Variants in KCND2 observed in about 807,000 individuals in gnomAD.
KCND2 encodes potassium voltage-gated channel subfamily D member 2, also known as A-type voltage-gated potassium channel KCND2.
A neutral mutation model predicts 54.4 loss-of-function variants in KCND2; 16 were observed. The observed-to-expected ratio is 0.29, with a 90% CI of 0.20 to 0.45. The LOEUF (loss-of-function observed/expected upper bound fraction) is 0.45, where lower values mean the gene tolerates loss of function less well. Among genes scored for constraint, KCND2 ranks in the 20% least tolerant of loss-of-function variants. The probability of loss-of-function intolerance (pLI) is 1.00; values close to 1 mark genes in which losing one functional copy is unlikely to be tolerated. For missense variants in KCND2, 486 were observed against 824.2 expected (o/e 0.59, Z 5.02); for synonymous variants, 317 against 310.7 (o/e 1.02, Z -0.21).
intron 1 of KCND2, among the ~76,000 whole-genome samples, chr7:120,319,948 AT>A (rs1383856558): frequency 2.0e-5 from 3 of 152,046 alleles, no homozygotes; most frequent in East Asian, 1.9e-4. Flanking sequence ...TTAGCATTGA[AT>A]GGTAGAGAAC....
intron 2 of KCND2, 27 bp from the exon 3 acceptor site, chr7:120,741,507 A>T: frequency 6.9e-7 from 1 of 1,456,866 alleles, no homozygotes; most frequent in South Asian, 1.1e-5. Context: ...ATAAATGTTA[A>T]TGGGATGTTT....
At chr7:120,698,030 T>TC in intron 1 of KCND2, among the ~76,000 whole-genome samples, 1 of 142,710 alleles carries the variant, frequency 7.0e-6, no homozygotes, top group East Asian at 2.0e-4. Context: ...CCCTTTTTTT[T>TC]TTTTTTTTTT....
chr7:120,619,593 T>C (rs1177028041), intron 1 of KCND2, among the ~76,000 whole-genome samples: 1 of 152,154 alleles, frequency 6.6e-6, no homozygotes, highest in Non-Finnish European at 1.5e-5. Context: ...CTTCAGTAGG[T>C]AAAAGGAAAC....
chr7:120,551,398 C>G (rs1280587820), intron 1 of KCND2, among the ~76,000 whole-genome samples: 2 of 152,092 alleles, frequency 1.3e-5, no homozygotes, highest in African/African-American at 4.8e-5. Flanking sequence ...GTTATTGTGA[C>G]CTTCCTTGTG....
At chr7:120,339,891 A>T (rs2116363722) in intron 1 of KCND2, among the ~76,000 whole-genome samples, 1 of 152,202 alleles carries the variant, frequency 6.6e-6, no homozygotes, top group Admixed American at 6.5e-5. Flanking sequence ...GGAGGACAAC[A>T]CTCTTAAGGA....
intron 1 of KCND2, among the ~76,000 whole-genome samples, chr7:120,700,215 A>G (rs563611430): frequency 6.6e-6 from 1 of 152,346 alleles, no homozygotes; most frequent in East Asian, 1.9e-4. Context: ...ATGAGCATTG[A>G]ATGGTGAAAA....
At chr7:120,666,377 A>G (rs1422043670) in intron 1 of KCND2, among the ~76,000 whole-genome samples, 1 of 151,928 alleles carries the variant, frequency 6.6e-6, no homozygotes, top group African/African-American at 2.4e-5. Context: ...ATGTGTCAGG[A>G]CCCAGTTTCT....
intron 1 of KCND2, among the ~76,000 whole-genome samples, chr7:120,546,267 G>A (rs892087673): frequency 6.6e-6 from 1 of 151,878 alleles, no homozygotes; most frequent in East Asian, 1.9e-4. Flanking sequence ...CCCTGATACT[G>A]TAGTGTATAT....
chr7:120,609,691 T>A (rs903924373), intron 1 of KCND2, among the ~76,000 whole-genome samples: 1 of 152,180 alleles, frequency 6.6e-6, no homozygotes, highest in Non-Finnish European at 1.5e-5. Flanking sequence ...TTTAAGAAAC[T>A]GGCTGTGCCT....
intron 1 of KCND2, among the ~76,000 whole-genome samples, chr7:120,382,517 T>C (rs1270796770): frequency 6.6e-6 from 1 of 151,898 alleles, no homozygotes; most frequent in Non-Finnish European, 1.5e-5. Context: ...TACTGGCACA[T>C]GTTGATAAAA....
intron 1 of KCND2, among the ~76,000 whole-genome samples, chr7:120,357,068 C>G (rs1800517229): frequency 6.6e-6 from 1 of 152,100 alleles, no homozygotes; most frequent in African/African-American, 2.4e-5. Flanking sequence ...TCCTTCAGAT[C>G]TCTTGTAATA....
intron 2 of KCND2, among the ~76,000 whole-genome samples, chr7:120,734,075 C>T (rs377621036): frequency 1.6e-4 from 25 of 152,102 alleles, no homozygotes; most frequent in Admixed American, 1.3e-3. Flanking sequence ...CCAGCACAGC[C>T]GCATGGTAGA....
intron 1 of KCND2, among the ~76,000 whole-genome samples, chr7:120,378,554 A>G (rs890608758): frequency 3.3e-5 from 5 of 151,950 alleles, no homozygotes; most frequent in African/African-American, 1.2e-4. Context: ...GTAACTAAAT[A>G]CAGTGAAAAG....
At chr7:120,309,312 A>T (rs1176241163) in intron 1 of KCND2, among the ~76,000 whole-genome samples, 3 of 152,024 alleles carry the variant, frequency 2.0e-5, no homozygotes, top group African/African-American at 7.2e-5. Context: ...AACAGAGGTG[A>T]CGCACCATAC....
intron 1 of KCND2, among the ~76,000 whole-genome samples, chr7:120,722,597 A>G (rs1792682531): frequency 6.6e-6 from 1 of 152,208 alleles, no homozygotes. Flanking sequence ...TTAGAAATAA[A>G]ATATGTATTA....
At chr7:120,385,944 G>C (rs951269098) in intron 1 of KCND2, among the ~76,000 whole-genome samples, 17 of 152,254 alleles carry the variant, frequency 1.1e-4, no homozygotes, top group Middle Eastern at 6.8e-3. Context: ...ATCACCTGAT[G>C]ATACTAATTC....
intron 1 of KCND2, among the ~76,000 whole-genome samples, chr7:120,687,875 T>C (rs1363487313): frequency 6.6e-6 from 1 of 152,220 alleles, no homozygotes; most frequent in East Asian, 1.9e-4. Context: ...CAGACCCTTC[T>C]TTCAAAAGTA....
At chr7:120,524,883 G>A (rs1236519598) in intron 1 of KCND2, among the ~76,000 whole-genome samples, 2 of 152,068 alleles carry the variant, frequency 1.3e-5, no homozygotes, top group Admixed American at 6.6e-5. Context: ...GTTCAACGTC[G>A]GGATAGGAAA....
chr7:120,732,140 A>G (rs992353365), intron 1 of KCND2, among the ~76,000 whole-genome samples: 1 of 152,166 alleles, frequency 6.6e-6, no homozygotes, highest in Non-Finnish European at 1.5e-5. Flanking sequence ...ACAAAGTCAC[A>G]TAGGAAGTGG....
Sources: gnomAD v4.1 joint callset for allele counts (sites outside exome capture counted in the v4.1 genomes callset) on GRCh38, gnomAD v4.1.1 for gene constraint, MANE v1.5 for transcripts, NCBI Gene and HGNC (gene_info 2026-07-23, HGNC 2026-07-21) for gene names.